Variants in GRIK4 observed in about 807,000 individuals in gnomAD.
The protein encoded by GRIK4 is glutamate receptor ionotropic, kainate 4.
A neutral mutation model predicts 104.9 loss-of-function variants in GRIK4; 40 were observed. The observed-to-expected ratio is 0.38, with a 90% CI of 0.30 to 0.50. GRIK4 has a LOEUF of 0.50. Ranked by LOEUF, GRIK4 falls within the 20% of genes least tolerant of loss-of-function variation. GRIK4 has a pLI of 0.93. For missense variants in GRIK4, 1,047 were observed against 1,308.1 expected (o/e 0.80, Z 3.08); for synonymous variants, 485 against 524.9 (o/e 0.92, Z 1.04).
intron 3 of GRIK4, among the ~76,000 whole-genome samples, chr11:120,713,462 A>G (rs1209877377): frequency 1.3e-5 from 2 of 152,222 alleles, no homozygotes; most frequent in African/African-American, 2.4e-5. Context: ...TGCGTCACTG[A>G]CATTGGGCTC....
At chr11:120,591,101 G>A (rs1591719204) in intron 1 of GRIK4, among the ~76,000 whole-genome samples, 2 of 152,154 alleles carry the variant, frequency 1.3e-5, no homozygotes, top group Middle Eastern at 3.4e-3. Flanking sequence ...CATACTGCGC[G>A]ATCCAGCCAC....
rs913210008 is a variant in GRIK4 at position 120,524,877 on chromosome 11, G to A, written c.-159+12990G>A. On this transcript the variant is annotated intron_variant, in intron 1 of 20. Transcript: ENST00000527524. This position sits in a 1 kb window ranked among gnomAD's most constrained non-coding sequence, Gnocchi z 4.5. Reference sequence around the variant, plus strand: ...TGGCAGAGAGCCCCAGGAAGAGGTCGCCTTTGTGTGGGGATGACAGAGGTC... The same window carrying A: ...TGGCAGAGAGCCCCAGGAAGAGGTCACCTTTGTGTGGGGATGACAGAGGTC... 2.0e-5 allele frequency among the ~76,000 whole-genome samples: 3 copies of A among 152,188 alleles called. No individual in the cohort carries two copies. The highest frequency in any genetic ancestry group is 3.9e-4 in the East Asian group (2 of 5,192).
chr11:120,640,799 C>T (rs1949460882), intron 1 of GRIK4, among the ~76,000 whole-genome samples: 1 of 152,080 alleles, frequency 6.6e-6, no homozygotes, highest in Admixed American at 6.5e-5. Context: ...ACCTCCATCT[C>T]CCTGGTTCCA....
intron 3 of GRIK4, among the ~76,000 whole-genome samples, chr11:120,752,043 G>A (rs1436352088): frequency 6.6e-6 from 1 of 152,136 alleles, no homozygotes; most frequent in Non-Finnish European, 1.5e-5. Context: ...GGGTGACAGG[G>A]CAGCTGTGCA....
intron 7 of GRIK4, among the ~76,000 whole-genome samples, chr11:120,834,521 C>A (rs1953521849): frequency 6.6e-6 from 1 of 152,220 alleles, no homozygotes; most frequent in Admixed American, 6.5e-5. Flanking sequence ...TTCCATCAGG[C>A]CTGGCCTCTG....
chr11:120,648,555 A>G (rs1002679839), intron 1 of GRIK4, among the ~76,000 whole-genome samples: 2 of 152,156 alleles, frequency 1.3e-5, no homozygotes, highest in Non-Finnish European at 2.9e-5. Flanking sequence ...CAGGCTCAGC[A>G]CTGAGCTCCA....
At chr11:120,726,395 T>C (rs567828511) in intron 3 of GRIK4, among the ~76,000 whole-genome samples, 1 of 152,342 alleles carries the variant, frequency 6.6e-6, no homozygotes, top group Non-Finnish European at 1.5e-5. Flanking sequence ...AGGAAGCTCA[T>C]GCAGAAGTCC....
chr11:120,777,739 C>T (rs193067352), intron 3 of GRIK4, among the ~76,000 whole-genome samples: 1 of 152,238 alleles, frequency 6.6e-6, no homozygotes, highest in African/African-American at 2.4e-5. Context: ...AAGTTCGAGA[C>T]CAGCCTGGCC....
chr11:120,919,585 CG>C (rs1565439027), intron 13 of GRIK4, among the ~76,000 whole-genome samples: 2 of 152,124 alleles, frequency 1.3e-5, no homozygotes, highest in African/African-American at 4.8e-5. Flanking sequence ...GGTGCTGATT[CG>C]AGCTTAGGTT....
chr11:120,548,171 G>T (rs931457640), intron 1 of GRIK4, among the ~76,000 whole-genome samples: 8 of 152,150 alleles, frequency 5.3e-5, no homozygotes, highest in Non-Finnish European at 4.4e-5. Flanking sequence ...CCCTTGTGCT[G>T]CCTGGCACCC....
At chr11:120,841,694 T>G (rs1953720559) in intron 8 of GRIK4, among the ~76,000 whole-genome samples, 1 of 152,130 alleles carries the variant, frequency 6.6e-6, no homozygotes, top group South Asian at 2.1e-4. Context: ...CCACCGAACA[T>G]TTTCCAGAAT....
At chr11:120,683,381 G>A (rs1950227569) in intron 3 of GRIK4, among the ~76,000 whole-genome samples, 1 of 152,178 alleles carries the variant, frequency 6.6e-6, no homozygotes, top group South Asian at 2.1e-4. Flanking sequence ...AGGGGAAGAA[G>A]GGAGGAGAGA....
At chr11:120,807,508 C>G (rs1952739058) in intron 4 of GRIK4, among the ~76,000 whole-genome samples, 2 of 152,190 alleles carry the variant, frequency 1.3e-5, no homozygotes, top group Admixed American at 1.3e-4. Flanking sequence ...GCGTAGCGTT[C>G]CAGCTCCACA....
At chr11:120,580,217 T>TTCTA (rs774533901) in intron 1 of GRIK4, among the ~76,000 whole-genome samples, 1 of 139,548 alleles carries the variant, frequency 7.2e-6, no homozygotes, top group Non-Finnish European at 1.5e-5. Context: ...CTTTCTTTCT[T>TTCTA]TCTTTCTTTC....
chr11:120,826,820 C>T (rs757411167), intron 6 of GRIK4, among the ~76,000 whole-genome samples: 15 of 152,278 alleles, frequency 9.9e-5, no homozygotes, highest in Non-Finnish European at 1.8e-4. Flanking sequence ...AGGTAAAATA[C>T]GTCATTCCAG....
rs1944758128 is a variant in GRIK4 at position 120,986,553 on chromosome 11, C to T, written c.*293C>T. 2.6e-6 allele frequency: 1 copy of T among 390,230 alleles called. No homozygotes were observed. The highest frequency in any genetic ancestry group is 3.7e-5 in the South Asian group (1 of 26,834). 24.2% of individuals were successfully genotyped at this position (390,230 alleles called of 1,614,324 possible). ...GGGTCTTTCCCTCTCGCCAAAATAA[C>T]AAGAGTATAGGGTGGGGGGTCCCTA... On this transcript the variant is annotated 3_prime_UTR_variant, in exon 21 of 21. Coordinates refer to ENST00000527524, the MANE Select transcript of GRIK4 (RefSeq NM_014619.5).
At chr11:120,782,772 A>C (rs1952184164) in intron 3 of GRIK4, among the ~76,000 whole-genome samples, 1 of 152,102 alleles carries the variant, frequency 6.6e-6, no homozygotes, top group African/African-American at 2.4e-5. Context: ...TGACATGAAA[A>C]GGGTCCACGC....
intron 11 of GRIK4, among the ~76,000 whole-genome samples, chr11:120,877,734 G>A (rs1332226329): frequency 6.6e-6 from 1 of 152,116 alleles, no homozygotes; most frequent in African/African-American, 2.4e-5. Context: ...AAAAGAAAAC[G>A]GGGAAAGGAG....
At chr11:120,641,468 T>C (rs1655874747) in intron 1 of GRIK4, among the ~76,000 whole-genome samples, 1 of 152,232 alleles carries the variant, frequency 6.6e-6, no homozygotes, top group Non-Finnish European at 1.5e-5. Context: ...TTCTTGATTA[T>C]ATGCTAAGCA....
Sources: gnomAD v4.1 joint callset for allele counts (sites outside exome capture counted in the v4.1 genomes callset) on GRCh38, gnomAD v4.1.1 for gene constraint, Gnocchi (gnomAD v3.1) non-coding constraint, MANE v1.5 for transcripts, NCBI Gene and HGNC (gene_info 2026-07-23, HGNC 2026-07-21) for gene names.